Variants in LMO3 observed in about 807,000 individuals in gnomAD.
LMO3 encodes the protein LIM domain only protein 3.
A neutral mutation model predicts 15.8 loss-of-function variants in LMO3; 2 were observed. That is an observed-to-expected ratio of 0.13 (90% CI 0.05 to 0.40). LMO3 has a LOEUF of 0.40. Among genes scored for constraint, LMO3 ranks in the 10% least tolerant of loss-of-function variants. LMO3 has a pLI of 0.99. For synonymous variants in LMO3, 62 were observed against 63.8 expected, an observed-to-expected ratio of 0.97 and a Z score of 0.13; for missense variants, 86 against 182.2, an observed-to-expected ratio of 0.47 and a Z score of 3.04.
At chr12:16,571,273 G>T (rs374069557) in intron 2 of LMO3, among the ~76,000 whole-genome samples, 2 of 151,978 alleles carry the variant, frequency 1.3e-5, no homozygotes, top group Non-Finnish European at 2.9e-5. Context: ...CGTTACAAAG[G>T]CATCAGTATT....
In LMO3 at chr12:16,559,499, T is replaced by A. The variant is rs1159642241; in HGVS notation, c.332+914A>T. On this transcript the variant is annotated intron_variant, in intron 3 of 3. Transcript: ENST00000537304. The surrounding 1 kb of genome is among the most constrained non-coding windows in gnomAD (Gnocchi z 4.1). ...CAGCTTATTAGTGGCAGAGCCCATATTAGAATTTAGGTTTCCAGGTTCCCT... is the reference window on the plus strand; with the variant it reads ...CAGCTTATTAGTGGCAGAGCCCATAATAGAATTTAGGTTTCCAGGTTCCCT... 6.6e-6 allele frequency among the ~76,000 whole-genome samples: 1 copy of A among 152,190 alleles called. No individual in the cohort carries two copies. The highest frequency in any genetic ancestry group is 2.4e-5 in the African/African-American group (1 of 41,438).
rs184024917 is a variant in LMO3, at chr12:16,549,299, C to G, written c.*1923G>C. ...TATTTTTGTGGGCCCCAAATAGCTA[C>G]TTTTGAATTTCTTTCTTTAGTATAT... On this transcript the variant is annotated 3_prime_UTR_variant, in exon 4 of 4. Coordinates refer to ENST00000537304, the MANE Select transcript of LMO3 (RefSeq NM_018640.5). 5 of 152,202 alleles carry G rather than the reference C, an allele frequency of 3.3e-5. No homozygotes were observed. Among genetic ancestry groups the G allele is most frequent in the Non-Finnish European group, 7.4e-5 (5 of 67,984 alleles). The allele number at this position is 152,202 out of a possible 1,614,324, so 9.4% of individuals were successfully genotyped here.
At chr12:16,592,479 G>A (rs961523916) in intron 2 of LMO3, among the ~76,000 whole-genome samples, 1 of 151,962 alleles carries the variant, frequency 6.6e-6, no homozygotes, top group South Asian at 2.1e-4. Context: ...TACATTCACA[G>A]TATAAGTGAG....
chr12:16,578,900 T>C (rs1391939168), intron 2 of LMO3, among the ~76,000 whole-genome samples: 1 of 152,080 alleles, frequency 6.6e-6, no homozygotes, highest in Admixed American at 6.6e-5. Flanking sequence ...GGAGAAATAA[T>C]TCATGGTTCT....
intron 3 of LMO3, among the ~76,000 whole-genome samples, chr12:16,554,615 T>C (rs762928109): frequency 1.3e-5 from 2 of 152,202 alleles, no homozygotes; most frequent in African/African-American, 2.4e-5. Flanking sequence ...AATCTTGCTA[T>C]ACATTATTCA....
At chr12:16,551,844 A>T (rs1942002066) in intron 3 of LMO3, among the ~76,000 whole-genome samples, 1 of 152,004 alleles carries the variant, frequency 6.6e-6, no homozygotes, top group African/African-American at 2.4e-5. Context: ...AAATGTGATT[A>T]AATGTTAGTA....
rs1448933190 is a variant in LMO3, at chr12:16,576,022, T to C, written c.207-15484A>G. Among the ~76,000 whole-genome samples, 1 of 152,162 alleles carries C rather than the reference T, an allele frequency of 6.6e-6. No homozygotes were observed. Among genetic ancestry groups the C allele is most frequent in the Non-Finnish European group, 1.5e-5 (1 of 68,030 alleles). ...CTTCTCAGACCCCCAAATCTAGCCC[T>C]GCCGCTGTGTTAAAAGGGGATCTGT... On this transcript the variant is annotated intron_variant, in intron 2 of 3. Coordinates refer to ENST00000537304, the MANE Select transcript of LMO3 (RefSeq NM_018640.5). This position sits in a 1 kb window ranked among gnomAD's most constrained non-coding sequence, Gnocchi z 4.1.
rs779989040 is a variant in LMO3, at chr12:16,604,874, TCTC to T, written c.-9+1189_-9+1191del. 1 of 1,598,408 alleles carries T rather than the reference TCTC, an allele frequency of 6.3e-7. No homozygotes were observed. The highest frequency in any genetic ancestry group is 1.1e-5 in the South Asian group (1 of 91,086). On this transcript the variant is annotated intron_variant, in intron 1 of 3. Coordinates refer to ENST00000537304, the MANE Select transcript of LMO3 (RefSeq NM_018640.5). The surrounding 1 kb of genome is among the most constrained non-coding windows in gnomAD (Gnocchi z 5.3). ...TAGACTGTAACCTTACCAAAACTTT[TCTC>T]CTTTTTCTGCATGAGTTGACTTAGG...
chr12:16,576,332 A>G lies in LMO3; in HGVS notation c.207-15794T>C, dbSNP rs909617050. 8.5e-5 allele frequency among the ~76,000 whole-genome samples: 13 copies of G among 152,150 alleles called. No homozygotes were observed. The highest frequency in any genetic ancestry group is 4.1e-4 in the South Asian group (2 of 4,820). ...ATCCCATCACTGAGCCTCAGCCCCA[A>G]TGTGCTGTCTACTCCCTGGACTCAG... On this transcript the variant is annotated intron_variant, in intron 2 of 3. Transcript: ENST00000537304. The surrounding 1 kb of genome is among the most constrained non-coding windows in gnomAD (Gnocchi z 4.1).
At chr12:16,570,647 C>G (rs1942783990) in intron 2 of LMO3, among the ~76,000 whole-genome samples, 1 of 152,142 alleles carries the variant, frequency 6.6e-6, no homozygotes, top group Non-Finnish European at 1.5e-5. Context: ...CTAACACAGG[C>G]TTAGCAAAGC....
rs1941906241 is a variant in LMO3, at chr12:16,549,409, A to G, written c.*1813T>C. 1 of 152,474 alleles carries G rather than the reference A, an allele frequency of 6.6e-6. No individual in the cohort carries two copies. The highest frequency in any genetic ancestry group is 2.4e-5 in the African/African-American group (1 of 41,414). 9.4% of individuals were successfully genotyped at this position (152,474 alleles called of 1,614,324 possible). A position where few individuals can be genotyped will look rare whatever the true frequency, so the allele number is the denominator to read the frequency against. ...CATATCATTCACTTTTCACAGAACC[A>G]TTTTCTTAAAAATAAGAGGCAATAT... On this transcript the variant is annotated 3_prime_UTR_variant, in exon 4 of 4. Transcript: ENST00000537304.
intron 3 of LMO3, among the ~76,000 whole-genome samples, chr12:16,553,321 G>A (rs1485263504): frequency 6.6e-6 from 1 of 152,058 alleles, no homozygotes; most frequent in African/African-American, 2.4e-5. Context: ...TTACCTGAGG[G>A]CAGTAAAGCA....
At position 16,600,748 on chromosome 12, in the gene LMO3, A is replaced by G; in HGVS notation, c.113T>C (p.Leu38Pro). ...ALDKYWHEDC[L>P]KCACCDCRLG... is the part of the protein sequence containing the mutation. ...GCGACAGTCACAGCAGGCACACTTC[A>G]GGCAGTCTTCATGCCAGTATTTGTC... The change falls in exon 2 of 4, where the codon CTG becomes CCG. Residue 38 changes from leucine to proline, a missense_variant. Around this residue, in one of 3 missense-constraint regions of LMO3, gnomAD observed 51 missense variants for 140.3 expected, o/e 0.36. Transcript: ENST00000537304. 6.2e-7 allele frequency: 1 copy of G among 1,614,166 alleles called. No homozygotes were observed.
rs1943432164 is a variant in LMO3 at position 16,589,739 on chromosome 12, A to G, written c.206+10916T>C. 6.6e-6 allele frequency among the ~76,000 whole-genome samples: 1 copy of G among 152,110 alleles called. No homozygotes were observed. The highest frequency in any genetic ancestry group is 2.4e-5 in the African/African-American group (1 of 41,432). ...AGCTCAAATTGATCTGCCTTGGAAG[A>G]CGAGGATCACCAAGTGATTAGGAAT... On this transcript the variant is annotated intron_variant, in intron 2 of 3. Transcript: ENST00000537304. This position sits in a 1 kb window ranked among gnomAD's most constrained non-coding sequence, Gnocchi z 4.2.
At chr12:16,579,173 G>GTA (rs942337528) in intron 2 of LMO3, among the ~76,000 whole-genome samples, 8 of 151,858 alleles carry the variant, frequency 5.3e-5, no homozygotes, top group South Asian at 2.1e-4. Context: ...GCATTAAATT[G>GTA]TATATATATA....
In LMO3 at chr12:16,576,565, T is replaced by C. The variant is rs1943001592; in HGVS notation, c.207-16027A>G. Among the ~76,000 whole-genome samples the C allele has an allele frequency of 6.6e-6, 1 of 152,198 alleles. No homozygotes were observed. Among genetic ancestry groups the C allele is most frequent in the Non-Finnish European group, 1.5e-5 (1 of 68,032 alleles). ...TTGTTTTCATATACTACTTCATCTT[T>C]CAGAATCTGTATCAGTTACGTACCT... On this transcript the variant is annotated intron_variant, in intron 2 of 3. Coordinates refer to ENST00000537304, the MANE Select transcript of LMO3 (RefSeq NM_018640.5). The surrounding 1 kb of genome is among the most constrained non-coding windows in gnomAD (Gnocchi z 4.1).
At chr12:16,569,371 G>A (rs1415991072) in intron 2 of LMO3, among the ~76,000 whole-genome samples, 1 of 152,172 alleles carries the variant, frequency 6.6e-6, no homozygotes, top group Non-Finnish European at 1.5e-5. Flanking sequence ...GACTGACAGA[G>A]GGTAATGGCT....
In LMO3 at chr12:16,589,310, C is replaced by A. The variant is rs1317284074; in HGVS notation, c.206+11345G>T. The stretch of plus-strand genomic sequence containing the variant: ...GATCATTGATGGAGAAGGGGCAATA[C>A]CTAATGTAGTAGAATAATGAGAAAC... On this transcript the variant is annotated intron_variant, in intron 2 of 3. Transcript: ENST00000537304. This position sits in a 1 kb window ranked among gnomAD's most constrained non-coding sequence, Gnocchi z 4.2. Among the ~76,000 whole-genome samples, 1 of 151,872 alleles carries A rather than the reference C, an allele frequency of 6.6e-6. No individual in the cohort carries two copies. The highest frequency in any genetic ancestry group is 1.5e-5 in the Non-Finnish European group (1 of 67,950).
chr12:16,559,824 T>C lies in LMO3; in HGVS notation c.332+589A>G, dbSNP rs1167502929. Among the ~76,000 whole-genome samples the C allele has an allele frequency of 6.7e-6, 1 of 149,480 alleles. No homozygotes were observed. Among genetic ancestry groups the C allele is most frequent in the Non-Finnish European group, 1.5e-5 (1 of 67,586 alleles). ...AAAAAAAAAAAAAATTAGCCAGGCA[T>C]GGGAGTGCACACCTGTACTCCCAGC... On this transcript the variant is annotated intron_variant, in intron 3 of 3. Transcript: ENST00000537304. The surrounding 1 kb of genome is among the most constrained non-coding windows in gnomAD (Gnocchi z 4.1).
Sources: allele counts gnomAD v4.1 joint callset (sites outside exome capture counted in the v4.1 genomes callset), GRCh38; gene constraint gnomAD v4.1.1; regional missense constraint gnomAD v4.1.1; non-coding constraint Gnocchi (gnomAD v3.1); transcripts MANE v1.5; gene names NCBI Gene and HGNC (gene_info 2026-07-23, HGNC 2026-07-21).